The following CEP152 variants were observed in gnomAD, a reference collection of about 807,000 sequenced individuals.
The protein encoded by CEP152 is centrosomal protein of 152 kDa.
Under a neutral mutation model 188.9 loss-of-function variants are expected in CEP152, and 132 were observed. That is an observed-to-expected ratio of 0.70 (90% CI 0.61 to 0.81). The LOEUF is 0.81. Among genes scored for constraint, CEP152 ranks in the 30% least tolerant of loss-of-function variants. The probability of loss-of-function intolerance (pLI) is 0.00; values close to 1 mark genes in which losing one functional copy is unlikely to be tolerated. For synonymous variants in CEP152, 649 were observed against 666.6 expected (o/e 0.97, Z 0.41); for missense variants, 1,914 against 1,969.8 (o/e 0.97, Z 0.54).
At position 48,752,570 on chromosome 15, in the gene CEP152, G is replaced by A. The variant is rs578011709; in HGVS notation, c.3346-101C>T. On this transcript the variant is annotated intron_variant, in intron 20 of 26. Transcript: ENST00000380950. ...AAAATACAAAGAGAAAACACTACCT[G>A]AAAAAAATCTTGCCTGAACTATCTA... The A allele has an allele frequency of 2.8e-5, 42 of 1,504,348 alleles. No individual in the cohort carries two copies. The South Asian group carries it at 5.2e-4, about 19-fold the overall frequency. The allele number at this position is 1,504,348 out of a possible 1,614,324, so 93.2% of individuals were successfully genotyped here.
In CEP152 at chr15:48,744,928, T is replaced by C; in HGVS notation, c.3699A>G (p.Glu1233=). 1 of 1,610,910 alleles carries C rather than the reference T, an allele frequency of 6.2e-7. No individual in the cohort carries two copies. Among genetic ancestry groups the C allele is most frequent in the Non-Finnish European group, 8.5e-7 (1 of 1,178,950 alleles). The part of the protein sequence containing the change: ...EENNDMKNKL[E]ELQTLCKTPP... Reference sequence around the variant, plus strand: ...GTGTTTTACAAAGTGTTTGCAATTCTTCCAATTTATTCTTCATGTCGTTGT... The same window carrying C: ...GTGTTTTACAAAGTGTTTGCAATTCCTCCAATTTATTCTTCATGTCGTTGT... The change falls in exon 23 of 27, where the codon GAA becomes GAG. Residue 1233 remains glutamate, a synonymous_variant. Coordinates refer to ENST00000380950, the MANE Select transcript of CEP152 (RefSeq NM_001194998.2).
chr15:48,734,638 T>C (rs939745097), downstream of CEP152, among the ~76,000 whole-genome samples: 1 of 148,428 alleles, frequency 6.7e-6, no homozygotes. Flanking sequence ...AGAGACTCAC[T>C]TCAAATTAAA....
At chr15:48,731,510 C>T (rs1453874625) in intron 2 of CEP152, among the ~76,000 whole-genome samples, 8 of 152,126 alleles carry the variant, frequency 5.3e-5, no homozygotes, top group Non-Finnish European at 1.0e-4. Context: ...TGGACCCCTT[C>T]CTTACACCTT....
chr15:48,760,225 TC>T lies in CEP152; in HGVS notation c.2603del (p.Gly868GlufsTer13). The T allele has an allele frequency of 6.2e-7, 1 of 1,614,066 alleles. No individual in the cohort carries two copies. The highest frequency in any genetic ancestry group is 8.5e-7 in the Non-Finnish European group (1 of 1,179,954). On this transcript the variant is annotated frameshift_variant, in exon 19 of 27. Transcript: ENST00000380950. LOFTEE classifies it high-confidence loss of function. ...AVQNAHQRWLGELPELAEYQA... is the reference protein window; with the variant it reads ...AVQNAHQRWLXELPELAEYQA... ...GATACTCTGCCAGCTCTGGTAGTTC[TC>T]CCAGCCATCGCTGATGAGCATTTTG...
At position 48,768,234 on chromosome 15, in the gene CEP152, T is replaced by C. The variant is rs760753851; in HGVS notation, c.2003A>G (p.Gln668Arg). ...TAGACCTTACCTATCCACAGCTTCT[T>C]GTTTGTCATGGTCAAAATCTTGTAC... Reference protein sequence around the residue: ...QMVQDFDHDKQEAVDRCERTY... With the variant: ...QMVQDFDHDKREAVDRCERTY... Residue 668 changes from glutamine to arginine, a missense_variant, in exon 15 of 27, where the codon CAA becomes CGA. Gln to Arg is a conservative substitution (Grantham distance 43). Coordinates refer to ENST00000380950, the MANE Select transcript of CEP152 (RefSeq NM_001194998.2). 2 of 1,606,554 alleles carry C rather than the reference T, an allele frequency of 1.2e-6. No homozygotes were observed. The highest frequency in any genetic ancestry group is 1.7e-6 in the Non-Finnish European group (2 of 1,173,136).
chr15:48,772,301 C>T (rs1895593858), intron 13 of CEP152, among the ~76,000 whole-genome samples, 186 bp downstream of exon 13: 1 of 152,018 alleles, frequency 6.6e-6, no homozygotes, highest in African/African-American at 2.4e-5. Flanking sequence ...GTCCCAGCTA[C>T]TCAGGAGGCT....
At position 48,760,999 on chromosome 15, in the gene CEP152, G is replaced by C. The variant is rs150463963; in HGVS notation, c.2563-733C>G. Among the ~76,000 whole-genome samples the C allele has an allele frequency of 1.2e-3, 187 of 152,176 alleles. 5 individuals are homozygous for C. In the East Asian group the frequency reaches 0.028, roughly 22 times the overall value. Reference sequence around the variant, plus strand: ...ATGTCAATGTGTAAACTCTGTCTACGTACAAACTCCAAGGAGTTAAGAAAT... The same window carrying C: ...ATGTCAATGTGTAAACTCTGTCTACCTACAAACTCCAAGGAGTTAAGAAAT... On this transcript the variant is annotated intron_variant, in intron 18 of 26. Coordinates refer to ENST00000380950, the MANE Select transcript of CEP152 (RefSeq NM_001194998.2).
chr15:48,807,561 CA>C (rs11320949), intron 1 of CEP152, among the ~76,000 whole-genome samples: 42,743 of 108,908 alleles, frequency 0.39, 5,702 homozygotes, highest in South Asian at 0.49. Flanking sequence ...GACTCCGTCT[CA>C]AAAAAAAAAA....
chr15:48,796,080 T>C lies in CEP152; in HGVS notation c.621A>G (p.Ser207=). 6.2e-7 allele frequency: 1 copy of C among 1,613,890 alleles called. No homozygotes were observed. The highest frequency in any genetic ancestry group is 8.5e-7 in the Non-Finnish European group (1 of 1,179,854). ...PYQSSAQNNG[S]PAQEITGSDT... is the part of the protein sequence containing the mutation. ...CACTTCCTGTTATCTCCTGGGCTGG[T>C]GAGCCATTATTCTGGGCAGAAGACT... The change falls in exon 6 of 27, where the codon TCA becomes TCG. Residue 207 remains serine (S), a synonymous_variant. Transcript: ENST00000380950.
rs1595592671 is a variant in CEP152, at chr15:48,744,129, T to C, written c.3835+111A>G. 3.3e-6 allele frequency: 5 copies of C among 1,501,576 alleles called. No homozygotes were observed. In the East Asian group the frequency reaches 9.8e-5, roughly 30 times the overall value. 93.0% of individuals were successfully genotyped at this position (1,501,576 alleles called of 1,614,324 possible). A position where few individuals can be genotyped will look rare whatever the true frequency, so the allele number is the denominator to read the frequency against. On this transcript the variant is annotated intron_variant, in intron 24 of 26. Transcript: ENST00000380950. ...TCTCTTTTAAGATTGAAGAAAAAGG[T>C]AATTTGGAAAATTCCCTAGAAGAAC...
chr15:48,763,263 T>C (rs1041739358), intron 17 of CEP152, among the ~76,000 whole-genome samples: 27 of 152,348 alleles, frequency 1.8e-4, no homozygotes, highest in African/African-American at 5.3e-4. Flanking sequence ...GGCAAAACTA[T>C]GAAACTGCAC....
At chr15:48,762,874 A>G (rs1331046581) in intron 17 of CEP152, among the ~76,000 whole-genome samples, 1 of 152,202 alleles carries the variant, frequency 6.6e-6, no homozygotes, top group Non-Finnish European at 1.5e-5. Flanking sequence ...GAACTTAACT[A>G]TATGACAAAA....
intron 5 of CEP152, 127 bp from the exon 6 acceptor site, chr15:48,796,287 TATACACAC>T (rs898341005): frequency 1.5e-4 from 102 of 692,298 alleles, no homozygotes; most frequent in South Asian, 5.2e-4. Flanking sequence ...TGTTTATATA[TATACACAC>T]ACACACACAC....
downstream of CEP152, among the ~76,000 whole-genome samples, chr15:48,735,496 A>G (rs979396379): frequency 6.6e-6 from 1 of 152,192 alleles, no homozygotes; most frequent in Non-Finnish European, 1.5e-5. Flanking sequence ...GCACTTTGGG[A>G]GGCGGAGGTG....
intron 9 of CEP152, among the ~76,000 whole-genome samples, chr15:48,786,950 A>AC (rs1896679046): frequency 1.3e-5 from 2 of 151,632 alleles, no homozygotes; most frequent in South Asian, 2.1e-4. Context: ...GAGAATGGAG[A>AC]CCCCCAACCC....
chr15:48,793,598 T>A, intron 6 of CEP152, 137 bp from the exon 7 acceptor site: 2 of 755,914 alleles, frequency 2.6e-6, no homozygotes, highest in African/African-American at 1.8e-5. Flanking sequence ...GTGACTAGGA[T>A]TAAAAAAGAG....
intron 2 of CEP152, 109 bp from the exon 3 acceptor site, chr15:48,798,160 A>G: frequency 1.3e-6 from 1 of 773,134 alleles, no homozygotes; most frequent in Non-Finnish European, 2.3e-6. Flanking sequence ...AGAAGTTCAT[A>G]ATTCCCTCCT....
rs116014437 is a variant in CEP152, at chr15:48,744,915, G to C, written c.3712C>G (p.Leu1238Val). The change falls in exon 23 of 27, where the codon CTT (leucine) becomes GTT (valine). Residue 1238 changes from leucine (L) to valine (V), a missense_variant. By Grantham distance (32) the Leu-to-Val change is conservative. Coordinates refer to ENST00000380950, the MANE Select transcript of CEP152 (RefSeq NM_001194998.2). Reference sequence around the variant, plus strand: ...GTATACCTTGGTGGTGTTTTACAAAGTGTTTGCAATTCTTCCAATTTATTC... The same window carrying C: ...GTATACCTTGGTGGTGTTTTACAAACTGTTTGCAATTCTTCCAATTTATTC... ...MKNKLEELQT[L>V]CKTPPRSLSA... 315 of 1,610,290 alleles carry C rather than the reference G, an allele frequency of 2.0e-4. 1 individual carries two copies. In the African/African-American group the frequency reaches 3.7e-3, roughly 19 times the overall value.
At position 48,782,168 on chromosome 15, in the gene CEP152, T is replaced by C; in HGVS notation, c.1384A>G (p.Met462Val). The C allele has an allele frequency of 1.9e-6, 3 of 1,613,922 alleles. No homozygotes were observed. The highest frequency in any genetic ancestry group is 2.5e-6 in the Non-Finnish European group (3 of 1,179,850). Residue 462 changes from methionine (M) to valine (V), a missense_variant, in exon 11 of 27, where the codon ATG becomes GTG. Met to Val is a conservative substitution (Grantham distance 21). Transcript: ENST00000380950. ...QLQQAQKAHA[M>V]SANMNKALQE... Reference sequence around the variant, plus strand: ...AAAGCCTTGTTCATGTTTGCACTCATAGCATGTGCCTTCTGTGCTTGCTGC... The same window carrying C: ...AAAGCCTTGTTCATGTTTGCACTCACAGCATGTGCCTTCTGTGCTTGCTGC...
Sources: allele counts gnomAD v4.1 joint callset (sites outside exome capture counted in the v4.1 genomes callset), GRCh38; gene constraint gnomAD v4.1.1; transcripts MANE v1.5; gene names NCBI Gene and HGNC (gene_info 2026-07-23, HGNC 2026-07-21).